The following OTUD7A variants were observed in gnomAD, a reference collection of about 807,000 sequenced individuals.
OTUD7A encodes the protein OTU deubiquitinase 7A.
Under a neutral mutation model 65.7 loss-of-function variants are expected in OTUD7A, and 12 were observed. The ratio of observed to expected loss-of-function variants is 0.18; its 90% CI spans 0.12 to 0.30. The LOEUF is 0.30. Among genes scored for constraint, OTUD7A ranks in the 10% least tolerant of loss-of-function variants. The pLI, the probability that OTUD7A is intolerant of heterozygous loss-of-function variation, is 1.00. For synonymous variants in OTUD7A, 641 were observed against 586.3 expected, an observed-to-expected ratio of 1.09 and a Z score of -1.35; for missense variants, 1,148 against 1,304.8, an observed-to-expected ratio of 0.88 and a Z score of 1.85.
chr15:31,691,489 AAC>A (rs1295016708), intron 1 of OTUD7A, among the ~76,000 whole-genome samples: 2 of 152,272 alleles, frequency 1.3e-5, no homozygotes, highest in Non-Finnish European at 2.9e-5. Context: ...CACCAGGGAA[AAC>A]ACAGTCTCTT....
chr15:31,713,425 C>T (rs1285144865), intron 1 of OTUD7A, among the ~76,000 whole-genome samples: 1 of 152,094 alleles, frequency 6.6e-6, no homozygotes, highest in African/African-American at 2.4e-5. Context: ...TTGAGACAAG[C>T]TTGGGCAACA....
chr15:31,552,816 G>A (rs1888368582), intron 5 of OTUD7A, among the ~76,000 whole-genome samples: 1 of 152,238 alleles, frequency 6.6e-6, no homozygotes, highest in South Asian at 2.1e-4. Flanking sequence ...ATGGGTGGAG[G>A]AAGCTCCAAA....
intron 1 of OTUD7A, among the ~76,000 whole-genome samples, chr15:31,760,702 G>A (rs1275134299): frequency 1.3e-5 from 2 of 152,076 alleles, no homozygotes; most frequent in Non-Finnish European, 2.9e-5. Flanking sequence ...AAATTGACAA[G>A]CTGACCCTAA....
chr15:31,619,235 T>C (rs1890695450), intron 3 of OTUD7A, among the ~76,000 whole-genome samples: 1 of 152,228 alleles, frequency 6.6e-6, no homozygotes, highest in African/African-American at 2.4e-5. Context: ...TTCTTTTGGC[T>C]TAGGATTGAC....
intron 5 of OTUD7A, among the ~76,000 whole-genome samples, chr15:31,535,658 C>CT (rs34755961): frequency 0.097 from 14,560 of 149,550 alleles, 797 homozygotes; most frequent in Middle Eastern, 0.12. Flanking sequence ...TGGGAGTTAC[C>CT]TTGGGTTCTG....
intron 1 of OTUD7A, among the ~76,000 whole-genome samples, chr15:31,771,285 G>A (rs1470174866): frequency 1.3e-5 from 2 of 152,096 alleles, no homozygotes; most frequent in African/African-American, 4.8e-5. Context: ...CGGTTTATTG[G>A]ACTATCTATT....
At chr15:31,767,025 T>G in intron 1 of OTUD7A, 1 of 1,607,622 alleles carries the variant, frequency 6.2e-7, no homozygotes, top group Non-Finnish European at 8.5e-7. Flanking sequence ...CTCTTCTGTT[T>G]CTTAAATTAA....
chr15:31,861,730 G>C (rs1198545418), intron 1 of OTUD7A, among the ~76,000 whole-genome samples: 1 of 148,110 alleles, frequency 6.8e-6, no homozygotes, highest in African/African-American at 2.7e-5. Flanking sequence ...ATTTCCAAGG[G>C]ATTAAGTACA....
rs1170532149 is a variant in OTUD7A, at chr15:31,592,879, C to CAAA, written c.152-22685_152-22683dup. Among the ~76,000 whole-genome samples, 64 of 8,534 alleles carry CAAA rather than the reference C, an allele frequency of 7.5e-3. 15 individuals carry two copies. Among genetic ancestry groups the CAAA allele is most frequent in the Non-Finnish European group, 9.4e-3 (56 of 5,958 alleles). 5.6% of individuals were successfully genotyped at this position (8,534 alleles called of 152,430 possible). A position where few individuals can be genotyped will look rare whatever the true frequency, so the allele number is the denominator to read the frequency against. On this transcript the variant is annotated intron_variant, in intron 3 of 12. Transcript: ENST00000307050. ...TGGGTGACAGAGCAAGGCTCTGTCT[C>CAAA]AAAAAAAAAAAAAAAAAAAAAAAAA...
intron 1 of OTUD7A, among the ~76,000 whole-genome samples, chr15:31,832,075 T>C (rs2140984361): frequency 6.6e-6 from 1 of 152,364 alleles, no homozygotes; most frequent in South Asian, 2.1e-4. Flanking sequence ...TCATCTCATT[T>C]GTGCATTTCA....
chr15:31,622,867 G>A (rs1050098106), intron 3 of OTUD7A, among the ~76,000 whole-genome samples: 1 of 152,124 alleles, frequency 6.6e-6, no homozygotes, highest in Non-Finnish European at 1.5e-5. Context: ...CAGTTTTTCT[G>A]CTCTGTTTTT....
chr15:31,801,327 A>G (rs915930800), intron 1 of OTUD7A, among the ~76,000 whole-genome samples: 3 of 152,226 alleles, frequency 2.0e-5, no homozygotes, highest in Non-Finnish European at 4.4e-5. Flanking sequence ...GCGGAACACC[A>G]GGAACTGCAC....
chr15:31,633,757 C>T (rs546616524), intron 3 of OTUD7A, among the ~76,000 whole-genome samples: 179 of 152,158 alleles, frequency 1.2e-3, no homozygotes, highest in Non-Finnish European at 2.2e-3. Context: ...TTGTGGGGAA[C>T]CTGCTGGGGT....
At chr15:31,605,092 G>T (rs1324344789) in intron 3 of OTUD7A, among the ~76,000 whole-genome samples, 2 of 152,222 alleles carry the variant, frequency 1.3e-5, no homozygotes, top group Non-Finnish European at 2.9e-5. Flanking sequence ...CTTTGCTTTT[G>T]TATTTGATTT....
intron 1 of OTUD7A, among the ~76,000 whole-genome samples, chr15:31,742,139 A>C (rs4779550): frequency 0.2 from 30,772 of 151,976 alleles, 3,547 homozygotes; most frequent in Admixed American, 0.28. Context: ...ATAAAGAAAT[A>C]ATTCAGTCTT....
chr15:31,725,214 C>A (rs1455280941), intron 1 of OTUD7A, among the ~76,000 whole-genome samples: 1 of 152,188 alleles, frequency 6.6e-6, no homozygotes, highest in African/African-American at 2.4e-5. Flanking sequence ...GAGATGAAGT[C>A]CCTGCCCTGC....
intron 1 of OTUD7A, among the ~76,000 whole-genome samples, chr15:31,690,046 A>C (rs1892928051): frequency 6.6e-6 from 1 of 152,188 alleles, no homozygotes; most frequent in African/African-American, 2.4e-5. Flanking sequence ...CTTATACATA[A>C]AATTTAATTT....
intron 1 of OTUD7A, among the ~76,000 whole-genome samples, chr15:31,675,688 A>G (rs538864925): frequency 1.3e-5 from 2 of 152,364 alleles, no homozygotes; most frequent in Admixed American, 6.5e-5. Flanking sequence ...CTGGAACAAG[A>G]TCAACATCCA....
chr15:31,628,616 C>T (rs2141246211), intron 3 of OTUD7A, among the ~76,000 whole-genome samples: 1 of 152,178 alleles, frequency 6.6e-6, no homozygotes, highest in South Asian at 2.1e-4. Context: ...GTAGTTTTTT[C>T]CAATTCTGTG....
Sources: allele counts gnomAD v4.1 joint callset (sites outside exome capture counted in the v4.1 genomes callset), GRCh38; gene constraint gnomAD v4.1.1; transcripts MANE v1.5; gene names NCBI Gene and HGNC (gene_info 2026-07-23, HGNC 2026-07-21).